Variants in CNTN6 observed in about 807,000 individuals in gnomAD.
CNTN6 encodes the protein contactin 6.
CNTN6 carries 137 observed loss-of-function variants against 122.8 expected under a neutral mutation model. That is an observed-to-expected ratio of 1.12 (90% confidence interval 0.97 to 1.29). CNTN6 has a LOEUF of 1.29. CNTN6 is among the 50% of genes most tolerant of loss of function. CNTN6 has a pLI of 0.00. For missense variants in CNTN6, 1,634 were observed against 1,223.4 expected (o/e 1.34, Z -5.01); for synonymous variants, 570 against 426.0 (o/e 1.34, Z -4.16).
intron 7 of CNTN6, among the ~76,000 whole-genome samples, chr3:1,310,896 G>A (rs898530637): frequency 2.6e-5 from 4 of 152,018 alleles, no homozygotes; most frequent in African/African-American, 9.7e-5. Context: ...AGCTACTCAG[G>A]TGGCTGAAGC....
intron 8 of CNTN6, among the ~76,000 whole-genome samples, chr3:1,325,519 C>G (rs550991427): frequency 3.3e-5 from 5 of 151,772 alleles, no homozygotes; most frequent in Admixed American, 2.6e-4. Context: ...GGATTTATTC[C>G]CTGGCCCTGT....
chr3:1,121,849 C>T (rs1208657907), intron 1 of CNTN6, among the ~76,000 whole-genome samples: 1 of 151,894 alleles, frequency 6.6e-6, no homozygotes, highest in African/African-American at 2.4e-5. Flanking sequence ...TGAGAAAACA[C>T]ATGTGTATTG....
intron 5 of CNTN6, among the ~76,000 whole-genome samples, chr3:1,285,026 C>T (rs1168647900): frequency 3.3e-5 from 5 of 152,138 alleles, no homozygotes; most frequent in African/African-American, 1.2e-4. Flanking sequence ...GAGTGACATG[C>T]TTTCTCTGAC....
At chr3:1,252,831 A>G (rs1265560041) in intron 4 of CNTN6, among the ~76,000 whole-genome samples, 1 of 152,156 alleles carries the variant, frequency 6.6e-6, no homozygotes, top group Non-Finnish European at 1.5e-5. Context: ...TAGTGAGAAG[A>G]TGCATCTCCG....
chr3:1,364,736 T>C (rs1247770059), intron 12 of CNTN6, among the ~76,000 whole-genome samples: 3 of 151,936 alleles, frequency 2.0e-5, no homozygotes, highest in African/African-American at 7.2e-5. Flanking sequence ...TCATGTCTGC[T>C]GGGGTCCCCG....
intron 3 of CNTN6, among the ~76,000 whole-genome samples, chr3:1,226,681 A>G (rs1271306555): frequency 6.6e-6 from 1 of 152,172 alleles, no homozygotes; most frequent in Non-Finnish European, 1.5e-5. Flanking sequence ...AACTAGCATT[A>G]AAAACACACA....
intron 9 of CNTN6, 95 bp downstream of exon 9, chr3:1,326,046 A>C: frequency 9.3e-7 from 1 of 1,077,230 alleles, no homozygotes; most frequent in Non-Finnish European, 1.3e-6. Context: ...GCTAATGTTA[A>C]TGGAGTCTTT....
At chr3:1,100,189 A>G (rs2090807948) in intron 1 of CNTN6, among the ~76,000 whole-genome samples, 1 of 152,198 alleles carries the variant, frequency 6.6e-6, no homozygotes, top group Admixed American at 6.5e-5. Flanking sequence ...TTTTAAGGTC[A>G]TTCAAAAATT....
At chr3:1,098,198 C>T (rs1260081670) in intron 1 of CNTN6, among the ~76,000 whole-genome samples, 1 of 151,770 alleles carries the variant, frequency 6.6e-6, no homozygotes, top group African/African-American at 2.4e-5. Flanking sequence ...AACTAACCTG[C>T]ACATTGTGCA....
chr3:1,174,238 G>C (rs576123114), intron 2 of CNTN6, among the ~76,000 whole-genome samples: 1 of 152,208 alleles, frequency 6.6e-6, no homozygotes, highest in Non-Finnish European at 1.5e-5. Context: ...AGAATTTCCT[G>C]TTCATTTAGC....
intron 10 of CNTN6, 123 bp downstream of exon 10, chr3:1,327,709 T>A: frequency 1.0e-6 from 1 of 983,040 alleles, no homozygotes; most frequent in East Asian, 2.6e-5. Context: ...TAATGGGAAA[T>A]GTCTAAATTA....
chr3:1,142,906 G>A (rs2092640639), intron 1 of CNTN6, among the ~76,000 whole-genome samples: 1 of 147,816 alleles, frequency 6.8e-6, no homozygotes, highest in Non-Finnish European at 1.5e-5. Context: ...TTATTTGCAT[G>A]CATATACATA....
At chr3:1,245,319 T>TG (rs2094566504) in intron 4 of CNTN6, among the ~76,000 whole-genome samples, 1 of 27,698 alleles carries the variant, frequency 3.6e-5, no homozygotes, top group East Asian at 1.4e-3. Flanking sequence ...TATATATATA[T>TG]ATATATATAT....
chr3:1,388,050 G>GCTCCTT (rs566622454), intron 20 of CNTN6, among the ~76,000 whole-genome samples: 2,062 of 152,282 alleles, frequency 0.014, 35 homozygotes, highest in African/African-American at 0.038. Flanking sequence ...CCAACTGGGT[G>GCTCCTT]GAGCCCACCA....
At chr3:1,196,706 G>A (rs1224149688) in intron 2 of CNTN6, among the ~76,000 whole-genome samples, 1 of 152,162 alleles carries the variant, frequency 6.6e-6, no homozygotes, top group Non-Finnish European at 1.5e-5. Flanking sequence ...AGTGTCTGGT[G>A]ATGGGTTTAT....
chr3:1,181,686 C>A (rs777008737), intron 2 of CNTN6, among the ~76,000 whole-genome samples: 16 of 152,060 alleles, frequency 1.1e-4, no homozygotes, highest in Admixed American at 2.6e-4. Flanking sequence ...ATGTGCCCTG[C>A]ACATAGGGTT....
At chr3:1,314,250 G>A (rs1369158874) in intron 7 of CNTN6, among the ~76,000 whole-genome samples, 1 of 152,090 alleles carries the variant, frequency 6.6e-6, no homozygotes, top group Non-Finnish European at 1.5e-5. Flanking sequence ...GGAAATGAAA[G>A]CAGCTAGCTG....
intron 2 of CNTN6, among the ~76,000 whole-genome samples, chr3:1,193,103 A>G (rs1466415128): frequency 6.6e-6 from 1 of 152,194 alleles, no homozygotes; most frequent in African/African-American, 2.4e-5. Flanking sequence ...ATGGAACACC[A>G]TTGCCACCTG....
At position 1,230,376 on chromosome 3, in the gene CNTN6, G is replaced by T. The variant is rs960670433; in HGVS notation, c.358+2383G>T. Among the ~76,000 whole-genome samples the T allele has an allele frequency of 2.6e-5, 4 of 152,212 alleles. No individual in the cohort carries two copies. In the East Asian group the frequency reaches 7.7e-4, roughly 29 times the overall value. The stretch of plus-strand genomic sequence containing the variant: ...ACATGGAGTCACTGAGAAAATGAAG[G>T]TCAAGTCCCTGATCCATTATGGACC... On this transcript the variant is annotated intron_variant, in intron 4 of 22. Coordinates refer to ENST00000446702, the MANE Select transcript of CNTN6 (RefSeq NM_001289080.2).
Sources: gnomAD v4.1 joint callset for allele counts (sites outside exome capture counted in the v4.1 genomes callset) on GRCh38, gnomAD v4.1.1 for gene constraint, MANE v1.5 for transcripts, NCBI Gene and HGNC (gene_info 2026-07-23, HGNC 2026-07-21) for gene names.